The following STXBP4 variants were observed in gnomAD, a reference collection of about 807,000 sequenced individuals.
STXBP4 encodes the protein syntaxin binding protein 4.
In STXBP4, 55 loss-of-function variants were observed where a neutral mutation model predicts 76.1. That is an observed-to-expected ratio of 0.72 (90% CI 0.58 to 0.91). The LOEUF (loss-of-function observed/expected upper bound fraction) is 0.91, where lower values mean the gene tolerates loss of function less well. STXBP4 is among the 40% of genes least tolerant of loss of function. The pLI is 0.00. For synonymous variants in STXBP4, 201 were observed against 220.2 expected (o/e 0.91, Z 0.77); for missense variants, 618 against 636.9 (o/e 0.97, Z 0.32).
At chr17:54,975,511 G>C (rs981929422) in intron 1 of STXBP4, among the ~76,000 whole-genome samples, 10 of 152,214 alleles carry the variant, frequency 6.6e-5, no homozygotes, top group Admixed American at 6.5e-4. Flanking sequence ...GTCTAATTAC[G>C]TGATTTAATT....
At chr17:55,039,739 TAAA>T (rs5821081) in intron 10 of STXBP4, among the ~76,000 whole-genome samples, 1 of 146,282 alleles carries the variant, frequency 6.8e-6, no homozygotes, top group Non-Finnish European at 1.5e-5. Context: ...GAAGAATGAA[TAAA>T]AAAAAAAACT....
rs781019605 is a variant in STXBP4, at chr17:55,000,934, C to T, written c.574+51C>T. 12 of 1,234,986 alleles carry T rather than the reference C, an allele frequency of 9.7e-6. No individual in the cohort carries two copies. The East Asian group carries it at 2.8e-4, about 29-fold the overall frequency. 76.5% of individuals were successfully genotyped at this position (1,234,986 alleles called of 1,614,324 possible). A position where few individuals can be genotyped will look rare whatever the true frequency, so the allele number is the denominator to read the frequency against. ...CCTGTTTTTTATTTCAATTCTCTCT[C>T]AATGAGGAGTGTGTAATGTGACTTA... On this transcript the variant is annotated intron_variant, in intron 7 of 17. Coordinates refer to ENST00000376352, the MANE Select transcript of STXBP4 (RefSeq NM_178509.6).
intron 3 of STXBP4, among the ~76,000 whole-genome samples, chr17:54,988,803 C>T (rs1426606618): frequency 2.6e-5 from 4 of 152,006 alleles, no homozygotes; most frequent in Non-Finnish European, 4.4e-5. Context: ...ATTTAGGGTG[C>T]ATTTTGGACC....
intron 4 of STXBP4, 29 bp downstream of exon 4, chr17:54,990,986 A>T (rs2077706680): frequency 6.7e-7 from 1 of 1,492,388 alleles, no homozygotes; most frequent in Non-Finnish European, 8.9e-7. Context: ...CCCACCAAAA[A>T]TACAAACAAA....
At chr17:55,043,349 A>T (rs768380770) in intron 11 of STXBP4, 24 bp downstream of exon 11, 1 of 1,332,078 alleles carries the variant, frequency 7.5e-7, no homozygotes, top group South Asian at 1.7e-5. Context: ...TAGTTTCCTT[A>T]TGTTTTCTTC....
intron 8 of STXBP4, among the ~76,000 whole-genome samples, chr17:55,027,291 A>C (rs1243866488): frequency 1.3e-5 from 2 of 152,106 alleles, no homozygotes; most frequent in Non-Finnish European, 2.9e-5. Context: ...AGCTTAACAC[A>C]AGGGACAGAA....
intron 17 of STXBP4, among the ~76,000 whole-genome samples, chr17:55,143,713 G>A (rs531736451): frequency 6.1e-4 from 93 of 152,196 alleles, no homozygotes; most frequent in Non-Finnish European, 1.0e-3. Flanking sequence ...AGAACAGAGA[G>A]ATGCTACATT....
rs185687506 is a variant in STXBP4, at chr17:55,085,264, C to T, written c.1489+4081C>T. Among the ~76,000 whole-genome samples, 407 of 151,998 alleles carry T rather than the reference C, an allele frequency of 2.7e-3. 3 individuals carry two copies. The highest frequency in any genetic ancestry group is 9.2e-3 in the African/African-American group (381 of 41,452). On this transcript the variant is annotated intron_variant, in intron 16 of 17. Transcript: ENST00000376352. ...GGGAGATATACCTAATGCTAGATGA[C>T]GAGTTAGTGGGTGCAGCGCACCAGC...
chr17:54,986,913 G>C (rs912137458), intron 3 of STXBP4, among the ~76,000 whole-genome samples: 10 of 152,212 alleles, frequency 6.6e-5, no homozygotes, highest in Non-Finnish European at 1.3e-4. Flanking sequence ...GCCTCAGCTA[G>C]GAAGGTTGAA....
chr17:54,998,732 T>C (rs2077856291), intron 4 of STXBP4, among the ~76,000 whole-genome samples: 1 of 152,156 alleles, frequency 6.6e-6, no homozygotes, highest in South Asian at 2.1e-4. Flanking sequence ...ACACCTGTAA[T>C]CCGAGCACTT....
intron 1 of STXBP4, among the ~76,000 whole-genome samples, chr17:54,970,037 C>G (rs2077368924): frequency 6.6e-6 from 1 of 152,120 alleles, no homozygotes. Context: ...TGATAAGGAG[C>G]TACCTACTCA....
Position 55,145,687 on chromosome 17 carries a change from G to T in STXBP4, c.1547+4320G>T, listed in dbSNP as rs558393428. ...ATCAGTGTTGGCATCGCTACAGCCA[G>T]TGTTTCATAGAATTAATAAACATAT... On this transcript the variant is annotated intron_variant, in intron 17 of 17. Coordinates refer to ENST00000376352, the MANE Select transcript of STXBP4 (RefSeq NM_178509.6). Among the ~76,000 whole-genome samples the T allele has an allele frequency of 2.6e-5, 4 of 152,236 alleles. No individual in the cohort carries two copies. In the South Asian group the frequency reaches 8.3e-4, roughly 32 times the overall value.
At chr17:55,197,412 G>A in the STXBP4 span, among the ~76,000 whole-genome samples, 1 of 152,240 alleles carries the variant, frequency 6.6e-6, no homozygotes, top group East Asian at 1.9e-4. Context: ...GCTTTCACTA[G>A]ACAACGTACA....
intron 16 of STXBP4, among the ~76,000 whole-genome samples, chr17:55,099,315 A>C (rs538905808): frequency 6.6e-6 from 1 of 152,340 alleles, no homozygotes; most frequent in East Asian, 1.9e-4. Context: ...ATAATGATGT[A>C]TTGGTTAATG....
At chr17:55,036,194 T>C (rs1212657670) in intron 10 of STXBP4, among the ~76,000 whole-genome samples, 1 of 152,022 alleles carries the variant, frequency 6.6e-6, no homozygotes, top group Non-Finnish European at 1.5e-5. Flanking sequence ...TTTAAAATAT[T>C]GCTTTGGCTA....
intron 16 of STXBP4, among the ~76,000 whole-genome samples, chr17:55,094,778 A>G (rs1305089057): frequency 1.3e-5 from 2 of 152,208 alleles, no homozygotes; most frequent in African/African-American, 2.4e-5. Context: ...CACCAGATAC[A>G]TAGCAGCAAT....
the STXBP4 span, among the ~76,000 whole-genome samples, chr17:55,212,669 G>A: frequency 1.3e-5 from 2 of 152,060 alleles, no homozygotes; most frequent in African/African-American, 4.8e-5. Context: ...CTCACTGTTT[G>A]TTAAAATGGC....
intron 15 of STXBP4, among the ~76,000 whole-genome samples, chr17:55,080,198 A>C (rs2079238478): frequency 6.6e-6 from 1 of 152,188 alleles, no homozygotes; most frequent in African/African-American, 2.4e-5. Flanking sequence ...GGAAAAAAAG[A>C]CAACTTTAAA....
chr17:55,138,480 A>G (rs889312084), intron 16 of STXBP4, among the ~76,000 whole-genome samples: 2 of 152,122 alleles, frequency 1.3e-5, no homozygotes, highest in Admixed American at 6.6e-5. Context: ...GATACTCATG[A>G]AGATTTTGGA....
Sources: allele counts gnomAD v4.1 joint callset (sites outside exome capture counted in the v4.1 genomes callset), GRCh38; gene constraint gnomAD v4.1.1; transcripts MANE v1.5; gene names NCBI Gene and HGNC (gene_info 2026-07-23, HGNC 2026-07-21).